The following KANSL1 variants were observed in gnomAD, a reference collection of about 807,000 sequenced individuals.
KANSL1 encodes KAT8 regulatory NSL complex subunit 1, also known as MLL1/MLL complex subunit KANSL1.
In KANSL1, 22 loss-of-function variants were observed where a neutral mutation model predicts 103.6. The observed-to-expected ratio is 0.21, with a 90% CI of 0.15 to 0.30. KANSL1 has a LOEUF of 0.30. Ranked by LOEUF, KANSL1 falls within the 10% of genes least tolerant of loss-of-function variation. KANSL1 has a pLI of 1.00. For synonymous variants in KANSL1, 600 were observed against 527.6 expected (o/e 1.14, Z -1.88); for missense variants, 1,337 against 1,399.8 (o/e 0.96, Z 0.72).
intron 1 of KANSL1, among the ~76,000 whole-genome samples, chr17:46,182,906 G>A (rs987415795): frequency 1.3e-5 from 2 of 152,150 alleles, no homozygotes; most frequent in South Asian, 4.1e-4. Context: ...AGTCTTTAGA[G>A]GAAAGTCAGT....
intron 6 of KANSL1, among the ~76,000 whole-genome samples, chr17:46,061,597 G>C (rs1316336360): frequency 6.6e-6 from 1 of 152,070 alleles, no homozygotes; most frequent in Non-Finnish European, 1.5e-5. Flanking sequence ...ATAAAATTAT[G>C]ATTTAGGAAG....
At chr17:46,169,518 A>G (rs1286560109) in intron 2 of KANSL1, 1 of 152,240 alleles carries the variant, frequency 6.6e-6, no homozygotes, top group Non-Finnish European at 1.5e-5. Context: ...ACTCCAGTGA[A>G]AATCTTCATC....
chr17:46,075,861 A>G (rs62060839), intron 4 of KANSL1, among the ~76,000 whole-genome samples: 21,795 of 152,126 alleles, frequency 0.14, 2,131 homozygotes, highest in Non-Finnish European at 0.22. Flanking sequence ...TGCATTACAC[A>G]TTACTCCCTA....
At chr17:46,210,011 C>T (rs1476439456) in intron 1 of KANSL1, among the ~76,000 whole-genome samples, 1 of 152,180 alleles carries the variant, frequency 6.6e-6, no homozygotes, top group Non-Finnish European at 1.5e-5. Context: ...ATCAAAGTAA[C>T]TTCCATCTAC....
In KANSL1 at chr17:46,031,083, C is replaced by G; in HGVS notation, c.*393G>C. 1 of 205,000 alleles carries G rather than the reference C, an allele frequency of 4.9e-6. No individual in the cohort carries two copies. Among genetic ancestry groups the G allele is most frequent in the African/African-American group, 2.3e-5 (1 of 43,784 alleles). 12.7% of individuals were successfully genotyped at this position (205,000 alleles called of 1,614,324 possible). A position where few individuals can be genotyped will look rare whatever the true frequency, so the allele number is the denominator to read the frequency against. On this transcript the variant is annotated 3_prime_UTR_variant, in exon 15 of 15. Coordinates refer to ENST00000432791, the MANE Select transcript of KANSL1 (RefSeq NM_015443.4). Reference sequence around the variant, plus strand: ...AGAGTCCAGAGCACCCTGCCCCATTCCACCCTAGCTCAAGAAGGCCATGCT... The same window carrying G: ...AGAGTCCAGAGCACCCTGCCCCATTGCACCCTAGCTCAAGAAGGCCATGCT...
At chr17:46,176,659 C>G (rs2046532947) in intron 1 of KANSL1, among the ~76,000 whole-genome samples, 1 of 151,304 alleles carries the variant, frequency 6.6e-6, no homozygotes, top group African/African-American at 2.4e-5. Flanking sequence ...CCACTGCACT[C>G]CAGCCGGGGC....
intron 14 of KANSL1, 77 bp from the exon 15 acceptor site, chr17:46,031,780 C>G: frequency 7.4e-7 from 1 of 1,359,040 alleles, no homozygotes; most frequent in Non-Finnish European, 1.0e-6. Flanking sequence ...TGCCACAAAC[C>G]TTGTGGCCTG....
At chr17:46,192,029 AAG>A (rs1263966411) in intron 1 of KANSL1, among the ~76,000 whole-genome samples, 2 of 152,100 alleles carry the variant, frequency 1.3e-5, no homozygotes, top group African/African-American at 4.8e-5. Flanking sequence ...AGGAAAAGGA[AAG>A]AGAGCAATTT....
upstream of KANSL1, among the ~76,000 whole-genome samples, chr17:46,197,369 G>A (rs541489134): frequency 5.1e-4 from 78 of 152,292 alleles, 1 homozygote; most frequent in Middle Eastern, 3.4e-3. Flanking sequence ...TAGGCTGGGC[G>A]TGGTGGCTCA....
At chr17:46,056,910 T>C (rs991122475) in intron 6 of KANSL1, among the ~76,000 whole-genome samples, 1 of 152,220 alleles carries the variant, frequency 6.6e-6, no homozygotes, top group Non-Finnish European at 1.5e-5. Context: ...TCATGGTGCA[T>C]GTGCCTCCCT....
intron 1 of KANSL1, among the ~76,000 whole-genome samples, chr17:46,215,912 A>C (rs976300672): frequency 6.6e-6 from 1 of 151,998 alleles, no homozygotes; most frequent in Non-Finnish European, 1.5e-5. Context: ...GTGGTGGCGC[A>C]CACCTGTAAT....
chr17:46,090,745 G>A (rs892183315), intron 3 of KANSL1, among the ~76,000 whole-genome samples: 8 of 152,208 alleles, frequency 5.3e-5, no homozygotes, highest in Non-Finnish European at 8.8e-5. Context: ...TACAATGATG[G>A]TCTTATAAGA....
At chr17:46,155,296 T>C (rs1442413536) in intron 2 of KANSL1, among the ~76,000 whole-genome samples, 1 of 151,806 alleles carries the variant, frequency 6.6e-6, no homozygotes, top group East Asian at 1.9e-4. Context: ...TAGCTGGGAC[T>C]ACAGGCGTGT....
rs764540985 is a variant in KANSL1 at position 46,066,748 on chromosome 17, GA to G, written c.1653-17del. ...AGGCTGAAGACTATACAAGGGGAAG[GA>G]AGAGTATTCTCAGAACACACAAAGA... On this transcript the variant is annotated splice_polypyrimidine_tract_variant and intron_variant, in intron 5 of 14. Coordinates refer to ENST00000432791, the MANE Select transcript of KANSL1 (RefSeq NM_015443.4). 3 of 1,586,726 alleles carry G rather than the reference GA, an allele frequency of 1.9e-6. No individual in the cohort carries two copies. Among genetic ancestry groups the G allele is most frequent in the Non-Finnish European group, 2.6e-6 (3 of 1,159,688 alleles).
rs535301359 is a variant in KANSL1, at chr17:46,054,647, C to T, written c.1849-3943G>A. 9.9e-5 allele frequency among the ~76,000 whole-genome samples: 15 copies of T among 152,182 alleles called. No individual in the cohort carries two copies. The East Asian group carries it at 2.9e-3, about 29-fold the overall frequency. ...CCACAAGGTCCTATAGTATTTGTCG[C>T]CTCTATCCCCTCTCTCTGACTTCAC... On this transcript the variant is annotated intron_variant, in intron 6 of 14. Coordinates refer to ENST00000432791, the MANE Select transcript of KANSL1 (RefSeq NM_015443.4).
At chr17:46,047,812 A>C (rs1384987767) in intron 7 of KANSL1, among the ~76,000 whole-genome samples, 1 of 136,062 alleles carries the variant, frequency 7.3e-6, no homozygotes, top group African/African-American at 2.5e-5. Context: ...TAAAAAAAAA[A>C]AAAAAACAAA....
At chr17:46,164,008 C>T (rs2045875559) in intron 2 of KANSL1, among the ~76,000 whole-genome samples, 1 of 152,234 alleles carries the variant, frequency 6.6e-6, no homozygotes, top group Non-Finnish European at 1.5e-5. Context: ...TTTCTAACAT[C>T]ACTAAGTGCC....
intron 4 of KANSL1, among the ~76,000 whole-genome samples, chr17:46,080,839 G>T (rs1407009728): frequency 1.3e-5 from 2 of 151,708 alleles, no homozygotes; most frequent in Non-Finnish European, 2.9e-5. Flanking sequence ...AATAGTGACA[G>T]TGTATACTTA....
At chr17:46,117,248 T>G (rs556016444) in intron 2 of KANSL1, among the ~76,000 whole-genome samples, 1 of 152,362 alleles carries the variant, frequency 6.6e-6, no homozygotes, top group African/African-American at 2.4e-5. Flanking sequence ...GAGAATTCCA[T>G]GCTGAACAGC....
Sources: gnomAD v4.1 joint callset for allele counts (sites outside exome capture counted in the v4.1 genomes callset) on GRCh38, gnomAD v4.1.1 for gene constraint, MANE v1.5 for transcripts, NCBI Gene and HGNC (gene_info 2026-07-23, HGNC 2026-07-21) for gene names.